Variants in TRMT11 observed in about 807,000 individuals in gnomAD.
TRMT11 encodes the protein tRNA (guanine(10)-N(2))-methyltransferase TRMT11.
A neutral mutation model predicts 62.8 loss-of-function variants in TRMT11; 53 were observed. That is an observed-to-expected ratio of 0.84 (90% CI 0.68 to 1.06). The LOEUF (loss-of-function observed/expected upper bound fraction) is 1.06, where lower values mean the gene tolerates loss of function less well. TRMT11 is among the 50% of genes least tolerant of loss of function. The pLI, the probability that TRMT11 is intolerant of heterozygous loss-of-function variation, is 0.00. For missense variants in TRMT11, 556 were observed against 553.4 expected (o/e 1.00, Z -0.05); for synonymous variants, 188 against 190.3 (o/e 0.99, Z 0.10).
At chr6:126,135,581 T>C (rs1353204192) in intron 21 of TRMT11, among the ~76,000 whole-genome samples, 1 of 151,698 alleles carries the variant, frequency 6.6e-6, no homozygotes, top group Non-Finnish European at 1.5e-5. Context: ...TAATACCAAT[T>C]ATACTAAAAT....
At chr6:126,174,181 G>C (rs1363945618), upstream of TRMT11, among the ~76,000 whole-genome samples, 1 of 152,160 alleles carries the variant, frequency 6.6e-6, no homozygotes, top group Non-Finnish European at 1.5e-5. Flanking sequence ...AATGGCATTG[G>C]TGGAGTGTTG....
rs575161561 is a variant in TRMT11 at position 126,098,966 on chromosome 6, A to C, written c.*1438-13900A>C. Among the ~76,000 whole-genome samples the C allele has an allele frequency of 5.3e-5, 8 of 152,220 alleles. 1 individual carries two copies. The highest frequency in any genetic ancestry group is 1.2e-4 in the Non-Finnish European group (8 of 68,034). On this transcript the variant is annotated intron_variant and NMD_transcript_variant, in intron 17 of 22. Transcript: ENST00000648977. ...ATTAACTCCACAAATATGTATTGAGAACTGGCTACGTGTCATTCACAGTTG... is the reference window on the plus strand; with the variant it reads ...ATTAACTCCACAAATATGTATTGAGCACTGGCTACGTGTCATTCACAGTTG...
chr6:126,156,014 C>T (rs1394033397), intron 21 of TRMT11, among the ~76,000 whole-genome samples: 1 of 152,212 alleles, frequency 6.6e-6, no homozygotes, highest in Non-Finnish European at 1.5e-5. Context: ...GTGTGAGCCA[C>T]CGTGCCCAGC....
chr6:126,180,937 A>C (rs555556986), intron 1 of TRMT11, among the ~76,000 whole-genome samples: 34 of 152,352 alleles, frequency 2.2e-4, no homozygotes, highest in Non-Finnish European at 4.1e-4. Flanking sequence ...TTTGTTTGGA[A>C]ATTTTAAAAC....
In TRMT11 at chr6:125,986,634, G is replaced by C. The variant is rs2128718392; in HGVS notation, c.72+12G>C. ...AGTTCCGCCTGCCGGTGAGTCCGTA[G>C]CGCCCTCCGGAACTTCCGACGGAAG... On this transcript the variant is annotated intron_variant, in intron 1 of 12. Coordinates refer to ENST00000334379, the MANE Select transcript of TRMT11 (RefSeq NM_001031712.3). 6.4e-7 allele frequency: 1 copy of C among 1,574,160 alleles called. No homozygotes were observed. Among genetic ancestry groups the C allele is most frequent in the Middle Eastern group, 1.7e-4 (1 of 6,016 alleles).
intron 21 of TRMT11, among the ~76,000 whole-genome samples, chr6:126,153,428 C>T (rs1434065861): frequency 2.0e-5 from 3 of 152,146 alleles, no homozygotes; most frequent in African/African-American, 7.2e-5. Context: ...TAACCTGAGA[C>T]ATTTAATTTA....
At chr6:126,092,351 G>A (rs1777286306) in intron 17 of TRMT11, among the ~76,000 whole-genome samples, 1 of 152,160 alleles carries the variant, frequency 6.6e-6, no homozygotes, top group Non-Finnish European at 1.5e-5. Context: ...GGTGGAAGGA[G>A]AAAGGCCTAT....
chr6:126,112,281 T>C (rs867253917), intron 17 of TRMT11, among the ~76,000 whole-genome samples: 1 of 152,120 alleles, frequency 6.6e-6, no homozygotes, highest in South Asian at 2.1e-4. Flanking sequence ...AACTCCCAAC[T>C]CAGTCAGCAA....
At chr6:126,242,802 T>G in the TRMT11 span, among the ~76,000 whole-genome samples, 1 of 152,180 alleles carries the variant, frequency 6.6e-6, no homozygotes, top group African/African-American at 2.4e-5. Context: ...ACTAAAGACT[T>G]AAATGTTAGA....
At chr6:125,989,667 T>C (rs1790280073) in intron 1 of TRMT11, among the ~76,000 whole-genome samples, 1 of 152,234 alleles carries the variant, frequency 6.6e-6, no homozygotes, top group African/African-American at 2.4e-5. Context: ...GATTTTTACT[T>C]GTTTTTTCCG....
intron 21 of TRMT11, among the ~76,000 whole-genome samples, chr6:126,142,549 G>A (rs1777928227): frequency 6.6e-6 from 1 of 152,070 alleles, no homozygotes; most frequent in Non-Finnish European, 1.5e-5. Flanking sequence ...ACCCAGGTTA[G>A]AATTTGAGCT....
intron 21 of TRMT11, among the ~76,000 whole-genome samples, chr6:126,132,541 C>G (rs1374376522): frequency 6.6e-6 from 1 of 152,020 alleles, no homozygotes; most frequent in Non-Finnish European, 1.5e-5. Context: ...AATTTTCCTG[C>G]AGTCATACTG....
the TRMT11 span, among the ~76,000 whole-genome samples, chr6:126,241,104 T>A: frequency 6.6e-6 from 1 of 152,236 alleles, no homozygotes; most frequent in African/African-American, 2.4e-5. Flanking sequence ...AGGTGCCATC[T>A]GTCACCCCTT....
chr6:126,102,612 A>T (rs1233076921), intron 17 of TRMT11, among the ~76,000 whole-genome samples: 1 of 152,068 alleles, frequency 6.6e-6, no homozygotes, highest in African/African-American at 2.4e-5. Context: ...AATGCTAGGC[A>T]GGAAGGCAGG....
the TRMT11 span, among the ~76,000 whole-genome samples, chr6:126,231,879 C>G: frequency 6.6e-6 from 1 of 152,072 alleles, no homozygotes; most frequent in Non-Finnish European, 1.5e-5. Context: ...GGGGCTACTC[C>G]CTGGGAGAAG....
chr6:126,036,237 T>C (rs1209400669), intron 12 of TRMT11, among the ~76,000 whole-genome samples: 1 of 152,090 alleles, frequency 6.6e-6, no homozygotes, highest in Non-Finnish European at 1.5e-5. Context: ...TGCAAAGTGA[T>C]AGGTAATTGA....
chr6:126,271,363 C>CAAAAAAAAAAAAAAAAA, the TRMT11 span, among the ~76,000 whole-genome samples: 2 of 36,274 alleles, frequency 5.5e-5, no homozygotes, highest in African/African-American at 1.0e-4. Context: ...GACTCCATCT[C>CAAAAAAAAAAAAAAAAA]AAAAAAAAAA....
intron 12 of TRMT11, among the ~76,000 whole-genome samples, chr6:126,022,933 G>A (rs904132091): frequency 6.6e-6 from 1 of 152,068 alleles, no homozygotes; most frequent in African/African-American, 2.4e-5. Flanking sequence ...TGGAATCTTT[G>A]TACTCATTCT....
intron 3 of TRMT11, among the ~76,000 whole-genome samples, chr6:126,200,401 C>T (rs1418380900): frequency 2.6e-5 from 4 of 152,058 alleles, no homozygotes; most frequent in Non-Finnish European, 4.4e-5. Context: ...AAAATGCCAC[C>T]GTTATTTTAA....
Sources: allele counts gnomAD v4.1 joint callset (sites outside exome capture counted in the v4.1 genomes callset), GRCh38; gene constraint gnomAD v4.1.1; transcripts MANE v1.5; gene names NCBI Gene and HGNC (gene_info 2026-07-23, HGNC 2026-07-21).